SRPK2: variants seen among roughly 807,000 people sequenced by gnomAD.
SRPK2 encodes the protein SFRS protein kinase 2.
Under a neutral mutation model 90.8 loss-of-function variants are expected in SRPK2, and 21 were observed. The observed-to-expected ratio is 0.23, with a 90% confidence interval of 0.16 to 0.33. The LOEUF is 0.33. Among genes scored for constraint, SRPK2 ranks in the 10% least tolerant of loss-of-function variants. SRPK2 has a pLI of 1.00. For missense variants in SRPK2, 620 were observed against 869.0 expected (o/e 0.71, Z 3.60); for synonymous variants, 288 against 311.1 (o/e 0.93, Z 0.78).
At chr7:105,133,182 C>T in intron 11 of SRPK2, 78 bp from the exon 12 acceptor site, 1 of 1,326,484 alleles carries the variant, frequency 7.5e-7, no homozygotes, top group East Asian at 2.3e-5. Flanking sequence ...TTGCCAGGGT[C>T]AGTCTCCTTT....
At chr7:105,214,634 T>C (rs373719946) in intron 2 of SRPK2, among the ~76,000 whole-genome samples, 8 of 152,252 alleles carry the variant, frequency 5.3e-5, no homozygotes, top group Admixed American at 2.0e-4. Flanking sequence ...ATAAAGTACA[T>C]AGAAATAAAT....
intron 5 of SRPK2, among the ~76,000 whole-genome samples, chr7:105,167,797 G>C (rs1790274120): frequency 6.6e-6 from 1 of 151,998 alleles, no homozygotes; most frequent in Non-Finnish European, 1.5e-5. Context: ...TTTTAGCAGA[G>C]ATGGGGTTTC....
chr7:105,200,595 G>A (rs1795428035), intron 3 of SRPK2, among the ~76,000 whole-genome samples: 1 of 152,166 alleles, frequency 6.6e-6, no homozygotes, highest in African/African-American at 2.4e-5. Context: ...TAGGGGAAAA[G>A]AACAGCTGTC....
intron 2 of SRPK2, among the ~76,000 whole-genome samples, chr7:105,329,642 A>C (rs751647307): frequency 2.6e-5 from 4 of 152,122 alleles, no homozygotes; most frequent in African/African-American, 4.8e-5. Flanking sequence ...AGAGCAGCAG[A>C]AGATGGGAAA....
intron 2 of SRPK2, among the ~76,000 whole-genome samples, chr7:105,230,471 C>T (rs1356854183): frequency 1.3e-5 from 2 of 152,144 alleles, no homozygotes; most frequent in Non-Finnish European, 2.9e-5. Context: ...GATGGCAAAA[C>T]CATCCATGTG....
At chr7:105,269,043 C>A in intron 2 of SRPK2, 1 of 1,297,566 alleles carries the variant, frequency 7.7e-7, no homozygotes, top group African/African-American at 1.5e-5. Flanking sequence ...GCTCCAGAGG[C>A]ATCAGGCCTT....
intron 2 of SRPK2, among the ~76,000 whole-genome samples, chr7:105,210,754 G>A (rs1796753797): frequency 6.6e-6 from 1 of 152,168 alleles, no homozygotes. Flanking sequence ...GTCCCTAAAA[G>A]CAGAGGGTTT....
At chr7:105,339,531 G>A (rs947431616) in intron 2 of SRPK2, among the ~76,000 whole-genome samples, 6 of 152,322 alleles carry the variant, frequency 3.9e-5, no homozygotes, top group African/African-American at 1.4e-4. Flanking sequence ...AGAATTCAGA[G>A]GAAGGAACAG....
At chr7:105,238,464 G>A (rs1047351762) in intron 2 of SRPK2, among the ~76,000 whole-genome samples, 2 of 152,154 alleles carry the variant, frequency 1.3e-5, no homozygotes, top group African/African-American at 4.8e-5. Flanking sequence ...AAGAAGTCTC[G>A]AGGTCACAAG....
intron 2 of SRPK2, chr7:105,332,684 G>C (rs1032922192): frequency 6.6e-6 from 1 of 151,904 alleles, no homozygotes; most frequent in Non-Finnish European, 1.5e-5. Flanking sequence ...AAGACAGCTT[G>C]AACCTGGGAG....
intron 3 of SRPK2, among the ~76,000 whole-genome samples, chr7:105,197,272 A>T (rs1305841743): frequency 6.6e-6 from 1 of 152,220 alleles, no homozygotes; most frequent in Non-Finnish European, 1.5e-5. Flanking sequence ...ACATGCTTCT[A>T]GTGTGTATAC....
intron 2 of SRPK2, among the ~76,000 whole-genome samples, chr7:105,303,436 C>T (rs142044281): frequency 1.3e-5 from 2 of 151,580 alleles, no homozygotes; most frequent in African/African-American, 2.4e-5. Context: ...ACGTTGTGCA[C>T]ATGTACCCTA....
intron 3 of SRPK2, among the ~76,000 whole-genome samples, chr7:105,179,783 C>T (rs555329421): frequency 1.4e-5 from 2 of 138,156 alleles, no homozygotes; most frequent in South Asian, 4.8e-4. Flanking sequence ...TGAGATTGCG[C>T]CATTGCACTC....
intron 7 of SRPK2, among the ~76,000 whole-genome samples, chr7:105,153,140 C>A (rs886321370): frequency 2.0e-5 from 3 of 152,092 alleles, no homozygotes; most frequent in Admixed American, 6.6e-5. Context: ...GAGCCAGGGA[C>A]GTGACTCTCA....
At chr7:105,338,000 G>C (rs1021092849) in intron 2 of SRPK2, among the ~76,000 whole-genome samples, 7 of 151,490 alleles carry the variant, frequency 4.6e-5, no homozygotes, top group South Asian at 2.1e-4. Context: ...CAAGTACTTA[G>C]GGGTTTCATA....
intron 15 of SRPK2, among the ~76,000 whole-genome samples, chr7:105,122,529 CTT>C (rs1246609965): frequency 6.6e-6 from 1 of 152,140 alleles, no homozygotes; most frequent in Non-Finnish European, 1.5e-5. Context: ...TTTCTTTGCT[CTT>C]TACAGCATCA....
intron 3 of SRPK2, among the ~76,000 whole-genome samples, chr7:105,202,772 A>G (rs1386380949): frequency 6.6e-6 from 1 of 152,232 alleles, no homozygotes; most frequent in South Asian, 2.1e-4. Context: ...AATGCCAGGA[A>G]AGAATCTTTC....
intron 2 of SRPK2, among the ~76,000 whole-genome samples, chr7:105,351,817 AAAG>A (rs371837953): frequency 0.034 from 5,041 of 147,324 alleles, 244 homozygotes; most frequent in African/African-American, 0.11. Flanking sequence ...AAAAAAAAAA[AAAG>A]AAGAAGAAGA....
chr7:105,345,241 A>T (rs981670973), intron 2 of SRPK2, among the ~76,000 whole-genome samples: 1 of 152,046 alleles, frequency 6.6e-6, no homozygotes. Flanking sequence ...CTAGTTTCTG[A>T]TTTAAAACAC....
Sources: allele counts gnomAD v4.1 joint callset (sites outside exome capture counted in the v4.1 genomes callset), GRCh38; gene constraint gnomAD v4.1.1; transcripts MANE v1.5; gene names NCBI Gene and HGNC (gene_info 2026-07-23, HGNC 2026-07-21).